Variants in NADSYN1 observed in about 807,000 individuals in gnomAD.
The protein encoded by NADSYN1 is glutamine-dependent NAD(+) synthetase.
In NADSYN1, 80 loss-of-function variants were observed where a neutral mutation model predicts 99.3. That is an observed-to-expected ratio of 0.81 (90% CI 0.67 to 0.97). The LOEUF is 0.97. Among genes scored for constraint, NADSYN1 ranks in the 50% least tolerant of loss-of-function variants. The pLI is 0.00. For missense variants in NADSYN1, 859 were observed against 948.5 expected, an observed-to-expected ratio of 0.91 and a Z score of 1.24; for synonymous variants, 385 against 372.1, an observed-to-expected ratio of 1.03 and a Z score of -0.40.
intron 16 of NADSYN1, among the ~76,000 whole-genome samples, chr11:71,488,134 C>T (rs917743784): frequency 3.9e-5 from 6 of 152,068 alleles, no homozygotes; most frequent in South Asian, 2.1e-4. Context: ...CTAGTTCAGT[C>T]GCATCCCTGT....
chr11:71,491,979 C>A, intron 18 of NADSYN1, 76 bp downstream of exon 18: 14 of 1,401,820 alleles, frequency 1.0e-5, no homozygotes, highest in Non-Finnish European at 1.3e-5. Context: ...GCTCTTCCTA[C>A]CTCCCTCCTG....
rs370277529 is a variant in NADSYN1 at position 71,473,490 on chromosome 11, G to A, written c.549-79G>A. The A allele has an allele frequency of 3.1e-5, 47 of 1,533,002 alleles. No homozygotes were observed. In the East Asian group the frequency reaches 7.7e-4, roughly 25 times the overall value. The allele number at this position is 1,533,002 out of a possible 1,614,324, so 95.0% of individuals were successfully genotyped here. ...TGGCCGTGGGCTGGGAGCTGCCGTGGGAGAGTGCAAGGGGCTGCCAGGGAG... is the reference window on the plus strand; with the variant it reads ...TGGCCGTGGGCTGGGAGCTGCCGTGAGAGAGTGCAAGGGGCTGCCAGGGAG... On this transcript the variant is annotated intron_variant, in intron 7 of 20. Coordinates refer to ENST00000319023, the MANE Select transcript of NADSYN1 (RefSeq NM_018161.5).
chr11:71,472,631 C>T, intron 6 of NADSYN1, 131 bp downstream of exon 6: 1 of 844,880 alleles, frequency 1.2e-6, no homozygotes. Flanking sequence ...AGGTCTGAAA[C>T]AGACAAAGGA....
chr11:71,479,177 T>G (rs1019082999), intron 10 of NADSYN1: 3 of 152,224 alleles, frequency 2.0e-5, no homozygotes, highest in African/African-American at 7.2e-5. Context: ...CCTCTGGGGC[T>G]CAAGTGATCC....
At chr11:71,458,332 C>G in intron 2 of NADSYN1, 96 bp from the exon 3 acceptor site, 1 of 868,954 alleles carries the variant, frequency 1.2e-6, no homozygotes, top group Non-Finnish European at 1.9e-6. Context: ...TGAGCCCCGG[C>G]CCCCAGACAC....
In NADSYN1 at chr11:71,484,467, C is replaced by T. The variant is rs754885234; in HGVS notation, c.1455+20C>T. Reference sequence around the variant, plus strand: ...GTGCAGGTGCCCCCGCCTGGGCCGGCGTCCCCTGGGGGTGGGGGTGCAGGG... The same window carrying T: ...GTGCAGGTGCCCCCGCCTGGGCCGGTGTCCCCTGGGGGTGGGGGTGCAGGG... On this transcript the variant is annotated intron_variant, in intron 15 of 20. Transcript: ENST00000319023. 1.1e-5 allele frequency: 18 copies of T among 1,607,060 alleles called. No homozygotes were observed. The highest frequency in any genetic ancestry group is 8.9e-5 in the East Asian group (4 of 44,734).
In NADSYN1 at chr11:71,501,542, G is replaced by T; in HGVS notation, c.*190G>T. On this transcript the variant is annotated 3_prime_UTR_variant, in exon 21 of 21. Transcript: ENST00000319023. ...GAATAAAGCCTGGGCTTAAAAAGAGGCTGGAATCCAATGCACATGATTTTG... is the reference window on the plus strand; with the variant it reads ...GAATAAAGCCTGGGCTTAAAAAGAGTCTGGAATCCAATGCACATGATTTTG... 1.7e-6 allele frequency: 1 copy of T among 588,584 alleles called. No homozygotes were observed. The highest frequency in any genetic ancestry group is 3.0e-6 in the Non-Finnish European group (1 of 338,064). 36.5% of individuals were successfully genotyped at this position (588,584 alleles called of 1,614,324 possible).
chr11:71,495,431 C>T (rs1326596570), intron 18 of NADSYN1, among the ~76,000 whole-genome samples: 3 of 152,214 alleles, frequency 2.0e-5, no homozygotes, highest in Admixed American at 6.5e-5. Context: ...TCTCTCGTGG[C>T]TCAGCAGATG....
chr11:71,485,985 G>C (rs1387335786), intron 16 of NADSYN1, among the ~76,000 whole-genome samples: 1 of 152,134 alleles, frequency 6.6e-6, no homozygotes, highest in Non-Finnish European at 1.5e-5. Context: ...TTTGCAGCTA[G>C]TTTTTACCTC....
intron 5 of NADSYN1, among the ~76,000 whole-genome samples, chr11:71,470,890 T>C (rs1949622306): frequency 6.6e-6 from 1 of 152,198 alleles, no homozygotes; most frequent in Non-Finnish European, 1.5e-5. Flanking sequence ...CTGTCTTCGT[T>C]TATTTGTATT....
Position 71,482,897 on chromosome 11 carries a change from ACACCCCCCAGGATCCCCGAGACCT to A in NADSYN1, c.1201_1224del (p.Thr401_Leu408del). ...CGCACCATCGTGAACCAGATCAGCT[ACACCCCCCAGGATCCCCGAGACCT>A]CTGTGGACGCATACTGACCACCTGC... On this transcript the variant is annotated inframe_deletion, in exon 14 of 21. Coordinates refer to ENST00000319023, the MANE Select transcript of NADSYN1 (RefSeq NM_018161.5). 6.2e-7 allele frequency: 1 copy of A among 1,613,158 alleles called. No individual in the cohort carries two copies. Among genetic ancestry groups the A allele is most frequent in the Non-Finnish European group, 8.5e-7 (1 of 1,179,604 alleles).
Position 71,464,855 on chromosome 11 carries a change from G to A in NADSYN1, c.407+713G>A, listed in dbSNP as rs550909235. Among the ~76,000 whole-genome samples, 305 of 132,792 alleles carry A rather than the reference G, an allele frequency of 2.3e-3. 1 individual carries two copies. The highest frequency in any genetic ancestry group is 8.1e-3 in the African/African-American group (280 of 34,754). The allele number at this position is 132,792 out of a possible 152,430, so 87.1% of individuals were successfully genotyped here. A position where few individuals can be genotyped will look rare whatever the true frequency, so the allele number is the denominator to read the frequency against. On this transcript the variant is annotated intron_variant, in intron 5 of 20. Coordinates refer to ENST00000319023, the MANE Select transcript of NADSYN1 (RefSeq NM_018161.5). ...TGCACTCCAGCCTGAGCAACAGAGC[G>A]AGACTCTGTCTCAAAAAAAAAAAAA...
chr11:71,456,425 C>G (rs887816781), intron 2 of NADSYN1, among the ~76,000 whole-genome samples: 1 of 152,188 alleles, frequency 6.6e-6, no homozygotes, highest in African/African-American at 2.4e-5. Flanking sequence ...GCCCCGTGGC[C>G]GGATCTTCTC....
intron 18 of NADSYN1, chr11:71,496,590 C>T (rs1238082723): frequency 1.3e-5 from 2 of 152,550 alleles, no homozygotes; most frequent in South Asian, 2.1e-4. Context: ...TATCCATGGC[C>T]TGGGGGTTGG....
chr11:71,484,797 G>C (rs1162096586), intron 15 of NADSYN1: 1 of 285,854 alleles, frequency 3.5e-6, no homozygotes, highest in East Asian at 7.0e-5. Context: ...CTGAGCGTGA[G>C]AGGTTACATG....
intron 8 of NADSYN1, 100 bp downstream of exon 8, chr11:71,473,786 T>G (rs973398955): frequency 2.3e-6 from 2 of 868,784 alleles, no homozygotes; most frequent in Non-Finnish European, 3.8e-6. Flanking sequence ...CCACACACAA[T>G]GGATGTTCCA....
At chr11:71,489,486 G>A (rs1174362038) in intron 16 of NADSYN1, among the ~76,000 whole-genome samples, 1 of 152,224 alleles carries the variant, frequency 6.6e-6, no homozygotes, top group Non-Finnish European at 1.5e-5. Context: ...TCCCCAGACT[G>A]TGCTCTCTGA....
chr11:71,484,000 C>G (rs1949725930), intron 14 of NADSYN1, among the ~76,000 whole-genome samples: 1 of 152,166 alleles, frequency 6.6e-6, no homozygotes, highest in Non-Finnish European at 1.5e-5. Flanking sequence ...ATGTCCAGAA[C>G]AGGCCATGGC....
chr11:71,455,667 G>C (rs1258124086), intron 2 of NADSYN1, among the ~76,000 whole-genome samples: 1 of 152,212 alleles, frequency 6.6e-6, no homozygotes, highest in African/African-American at 2.4e-5. Flanking sequence ...GAGACAACCA[G>C]TCCTTACCAG....
Sources: allele counts gnomAD v4.1 joint callset (sites outside exome capture counted in the v4.1 genomes callset), GRCh38; gene constraint gnomAD v4.1.1; transcripts MANE v1.5; gene names NCBI Gene and HGNC (gene_info 2026-07-23, HGNC 2026-07-21).